EVA1A: variants seen among roughly 807,000 people sequenced by gnomAD.
EVA1A encodes the protein protein eva-1 homolog A.
In EVA1A, 7 loss-of-function variants were observed where a neutral mutation model predicts 9.8. That is an observed-to-expected ratio of 0.71 (90% CI 0.41 to 1.34). The LOEUF (loss-of-function observed/expected upper bound fraction) is 1.34. EVA1A is among the 40% of genes most tolerant of loss of function. The pLI, the probability that EVA1A is intolerant of heterozygous loss-of-function variation, is 0.01. For missense variants in EVA1A, 206 were observed against 205.9 expected, an observed-to-expected ratio of 1.00 and a Z score of 0.00; for synonymous variants, 90 against 85.6, an observed-to-expected ratio of 1.05 and a Z score of -0.28.
At position 75,517,705 on chromosome 2, in the gene EVA1A, A is replaced by C. The variant is rs191420279; in HGVS notation, c.85+351T>G. 1.9e-4 allele frequency: 132 copies of C among 684,536 alleles called. No homozygotes were observed. In the African/African-American group the frequency reaches 2.2e-3, roughly 11 times the overall value. 42.4% of individuals were successfully genotyped at this position (684,536 alleles called of 1,614,324 possible). ...CACACAGGCAGCCTGTGTGAGGTTA[A>C]CTGCATAGAATAACCAGGCTGAGGT... On this transcript the variant is annotated intron_variant, in intron 3 of 3. Coordinates refer to ENST00000393913, the MANE Select transcript of EVA1A (RefSeq NM_001135032.2).
At chr2:75,568,652 G>T (rs1295910033) in intron 1 of EVA1A, among the ~76,000 whole-genome samples, 1 of 151,928 alleles carries the variant, frequency 6.6e-6, no homozygotes, top group Non-Finnish European at 1.5e-5. Flanking sequence ...TTATTATATT[G>T]TTCTATGCCT....
At chr2:75,541,958 G>A (rs1358252884) in intron 1 of EVA1A, 1 of 152,188 alleles carries the variant, frequency 6.6e-6, no homozygotes, top group Non-Finnish European at 1.5e-5. Context: ...CCCAACCAAA[G>A]CTCATCTTGT....
chr2:75,521,217 C>A (rs187189145), intron 2 of EVA1A, among the ~76,000 whole-genome samples: 1 of 152,218 alleles, frequency 6.6e-6, no homozygotes, highest in East Asian at 1.9e-4. Flanking sequence ...GTATTGGAAC[C>A]CTTGTGCACT....
At chr2:75,517,663 C>CCA in intron 3 of EVA1A, 2 of 627,370 alleles carry the variant, frequency 3.2e-6, no homozygotes, top group Admixed American at 2.7e-5. Flanking sequence ...ACTCTCTCTC[C>CCA]CACACACACA....
intron 1 of EVA1A, among the ~76,000 whole-genome samples, chr2:75,539,524 T>C (rs947067150): frequency 3.9e-5 from 6 of 152,106 alleles, no homozygotes; most frequent in African/African-American, 1.4e-4. Flanking sequence ...AGTAAAGAAA[T>C]AGACACTGCT....
chr2:75,508,789 C>T (rs1257826503), intron 3 of EVA1A, among the ~76,000 whole-genome samples: 1 of 152,142 alleles, frequency 6.6e-6, no homozygotes, highest in East Asian at 1.9e-4. Flanking sequence ...CCCCGGATGC[C>T]CAGCTTTAAA....
At chr2:75,511,358 T>C (rs1674804850) in intron 3 of EVA1A, among the ~76,000 whole-genome samples, 1 of 152,328 alleles carries the variant, frequency 6.6e-6, no homozygotes, top group South Asian at 2.1e-4. Context: ...TTGCTCAGTT[T>C]GGAAAGATTT....
chr2:75,511,038 T>C (rs80163980), intron 3 of EVA1A, among the ~76,000 whole-genome samples: 3,118 of 152,294 alleles, frequency 0.02, 97 homozygotes, highest in African/African-American at 0.063. Context: ...CCTGAAAATA[T>C]TTACTGTCTC....
chr2:75,559,336 T>C (rs78222446), intron 1 of EVA1A, among the ~76,000 whole-genome samples: 2,152 of 152,232 alleles, frequency 0.014, 45 homozygotes, highest in African/African-American at 0.042. Context: ...TTGAAAACCA[T>C]TACTTTAAGC....
At chr2:75,497,855 A>AG (rs1333881309) in intron 3 of EVA1A, among the ~76,000 whole-genome samples, 1 of 150,634 alleles carries the variant, frequency 6.6e-6, no homozygotes, top group Non-Finnish European at 1.5e-5. Flanking sequence ...TGTCTCAAAA[A>AG]AAAAAAAAAA....
chr2:75,492,985 C>T lies in EVA1A; in HGVS notation c.*251G>A, dbSNP rs569853999. The T allele has an allele frequency of 4.0e-6, 2 of 493,904 alleles. No homozygotes were observed. The highest frequency in any genetic ancestry group is 3.9e-5 in the African/African-American group (2 of 51,068). The allele number at this position is 493,904 out of a possible 1,614,324, so 30.6% of individuals were successfully genotyped here. On this transcript the variant is annotated 3_prime_UTR_variant, in exon 4 of 4. Transcript: ENST00000393913. ...CAGTCGCGTTTCTCCGATCTCCATCCACAGTGTTGGAGAGGATTTTTCAGC... is the reference window on the plus strand; with the variant it reads ...CAGTCGCGTTTCTCCGATCTCCATCTACAGTGTTGGAGAGGATTTTTCAGC...
At chr2:75,554,963 A>G (rs1462557138) in intron 1 of EVA1A, among the ~76,000 whole-genome samples, 1 of 152,180 alleles carries the variant, frequency 6.6e-6, no homozygotes, top group Non-Finnish European at 1.5e-5. Context: ...GAGCATCTTG[A>G]GGTCCAGGAA....
At chr2:75,506,343 T>C (rs988726197) in intron 3 of EVA1A, among the ~76,000 whole-genome samples, 1 of 152,246 alleles carries the variant, frequency 6.6e-6, no homozygotes, top group African/African-American at 2.4e-5. Flanking sequence ...CATTGCCAAG[T>C]GGGTTTTGAA....
chr2:75,548,188 A>G (rs1676396424), intron 1 of EVA1A, among the ~76,000 whole-genome samples: 1 of 152,234 alleles, frequency 6.6e-6, no homozygotes, highest in Non-Finnish European at 1.5e-5. Context: ...GCTATAATGC[A>G]GAAGCGTGAT....
intron 2 of EVA1A, chr2:75,518,638 T>C: frequency 1.0e-6 from 1 of 987,932 alleles, no homozygotes; most frequent in Non-Finnish European, 1.2e-6. Context: ...AATTCCCCCT[T>C]ACCACTTCTG....
intron 1 of EVA1A, among the ~76,000 whole-genome samples, chr2:75,557,036 C>T (rs1342174014): frequency 6.6e-6 from 1 of 152,152 alleles, no homozygotes; most frequent in Non-Finnish European, 1.5e-5. Context: ...GTTTCCCTGG[C>T]CCCTAAAAAA....
At chr2:75,547,715 C>T (rs1334257965) in intron 1 of EVA1A, among the ~76,000 whole-genome samples, 1 of 152,200 alleles carries the variant, frequency 6.6e-6, no homozygotes, top group African/African-American at 2.4e-5. Context: ...CTTAAGTTCC[C>T]TGAATTAAAG....
At chr2:75,536,099 T>C (rs1675884003) in intron 1 of EVA1A, among the ~76,000 whole-genome samples, 1 of 152,158 alleles carries the variant, frequency 6.6e-6, no homozygotes, top group South Asian at 2.1e-4. Flanking sequence ...TGGTTTTTTA[T>C]AGCCAAGGCG....
intron 1 of EVA1A, among the ~76,000 whole-genome samples, chr2:75,534,394 T>C (rs1288391083): frequency 6.6e-6 from 1 of 152,050 alleles, no homozygotes; most frequent in South Asian, 2.1e-4. Flanking sequence ...GGTAAATATA[T>C]ATATGTAGTA....
Sources: allele counts gnomAD v4.1 joint callset (sites outside exome capture counted in the v4.1 genomes callset), GRCh38; gene constraint gnomAD v4.1.1; transcripts MANE v1.5; gene names NCBI Gene and HGNC (gene_info 2026-07-23, HGNC 2026-07-21).